DHRSX: variants seen among roughly 807,000 people sequenced by gnomAD.
DHRSX encodes the protein polyprenol dehydrogenase.
In DHRSX, 31 loss-of-function variants were observed where a neutral mutation model predicts 34.0. The observed-to-expected ratio is 0.91, with a 90% CI of 0.69 to 1.23. The LOEUF (loss-of-function observed/expected upper bound fraction) is 1.23. Among genes scored for constraint, DHRSX ranks in the 50% most tolerant of loss-of-function variants. The pLI is 0.00. For synonymous variants in DHRSX, 201 were observed against 183.8 expected, an observed-to-expected ratio of 1.09 and a Z score of -0.76; for missense variants, 414 against 428.1, an observed-to-expected ratio of 0.97 and a Z score of 0.29.
At chrX:2,249,723 T>A (rs1460042083) in intron 5 of DHRSX, among the ~76,000 whole-genome samples, 3 of 151,320 alleles carry the variant, frequency 2.0e-5, no homozygotes, top group African/African-American at 7.3e-5. Flanking sequence ...GGGGTGTCAC[T>A]GTGTTGGCCA....
rs151195698 is a variant in DHRSX at position 2,243,380 on chromosome X, G to A, written c.597-150C>T. 7.1e-3 allele frequency: 4,458 copies of A among 626,922 alleles called. 140 individuals are homozygous for A. The highest frequency in any genetic ancestry group is 0.07 in the African/African-American group (3,792 of 54,288). The allele number at this position is 626,922 out of a possible 1,614,324, so 38.8% of individuals were successfully genotyped here. ...GTGTGATCATGCCATCTGTTGGCCAGTTTTCCAACGCGTGTGGATTTTTCT... is the reference window on the plus strand; with the variant it reads ...GTGTGATCATGCCATCTGTTGGCCAATTTTCCAACGCGTGTGGATTTTTCT... On this transcript the variant is annotated intron_variant, in intron 5 of 6. Transcript: ENST00000334651.
chrX:2,404,220 G>A lies in DHRSX; in HGVS notation c.286+4525C>T, dbSNP rs747159391. Among the ~76,000 whole-genome samples, 24 of 151,832 alleles carry A rather than the reference G, an allele frequency of 1.6e-4. No individual in the cohort carries two copies. In the South Asian group the frequency reaches 5.0e-3, roughly 32 times the overall value. On this transcript the variant is annotated intron_variant, in intron 3 of 6. Transcript: ENST00000334651. ...CCAGGGCCCCGCCCCCACCCCCAGA[G>A]GCCCCGATTCACAGATGGGCCCTGG... is the stretch of plus-strand genomic sequence containing the variant.
At chrX:2,316,141 C>T (rs1194699678) in intron 3 of DHRSX, among the ~76,000 whole-genome samples, 1 of 152,112 alleles carries the variant, frequency 6.6e-6, no homozygotes, top group Non-Finnish European at 1.5e-5. Flanking sequence ...GGATAACAGG[C>T]GTGAGCCACC....
At chrX:2,498,933 T>C (rs1238948810) in intron 1 of DHRSX, among the ~76,000 whole-genome samples, 1 of 152,266 alleles carries the variant, frequency 6.6e-6, no homozygotes, top group Admixed American at 6.5e-5. Context: ...TTACTCTCCT[T>C]CTTCTATGCA....
chrX:2,442,127 A>T (rs1169041146), intron 1 of DHRSX, among the ~76,000 whole-genome samples: 1 of 152,188 alleles, frequency 6.6e-6, no homozygotes, highest in Non-Finnish European at 1.5e-5. Flanking sequence ...TGTATTATAT[A>T]CTGCATTCTT....
intron 1 of DHRSX, among the ~76,000 whole-genome samples, chrX:2,491,858 G>A (rs1375495931): frequency 6.6e-6 from 1 of 152,218 alleles, no homozygotes; most frequent in Non-Finnish European, 1.5e-5. Context: ...AGATGACCCA[G>A]AAGCCAGTCC....
At chrX:2,379,595 G>GTTTT (rs749144665) in intron 3 of DHRSX, among the ~76,000 whole-genome samples, 3,085 of 103,260 alleles carry the variant, frequency 0.03, 148 homozygotes, top group East Asian at 0.054. Context: ...GGCAGTGGAG[G>GTTTT]TTTTTTTTTT....
intron 5 of DHRSX, among the ~76,000 whole-genome samples, chrX:2,264,691 G>A (rs1030721623): frequency 1.5e-5 from 2 of 135,092 alleles, no homozygotes; most frequent in Non-Finnish European, 3.1e-5. Flanking sequence ...TCCAGGGCAC[G>A]TGCGCCCAGT....
At chrX:2,450,100 C>T (rs921715450) in intron 1 of DHRSX, among the ~76,000 whole-genome samples, 5 of 150,614 alleles carry the variant, frequency 3.3e-5, no homozygotes, top group Admixed American at 2.7e-4. Flanking sequence ...CCACCCAGGA[C>T]AAATAAGTGC....
chrX:2,247,942 A>C (rs1190290749), intron 5 of DHRSX, among the ~76,000 whole-genome samples: 1 of 151,818 alleles, frequency 6.6e-6, no homozygotes, highest in East Asian at 1.9e-4. Context: ...AAGGCCAGCC[A>C]GAAACCCTAT....
intron 3 of DHRSX, among the ~76,000 whole-genome samples, chrX:2,400,811 C>A (rs1262956803): frequency 2.0e-5 from 3 of 152,142 alleles, no homozygotes; most frequent in Admixed American, 6.6e-5. Context: ...CTGTTATCAA[C>A]CTTCATCCTG....
chrX:2,497,216 G>A (rs1422832908), intron 1 of DHRSX, among the ~76,000 whole-genome samples: 1 of 152,112 alleles, frequency 6.6e-6, no homozygotes, highest in Non-Finnish European at 1.5e-5. Flanking sequence ...CCAACATGGA[G>A]AAACCCCATC....
intron 4 of DHRSX, among the ~76,000 whole-genome samples, chrX:2,287,119 CTTA>C (rs2041813104): frequency 6.6e-6 from 1 of 152,128 alleles, no homozygotes; most frequent in Admixed American, 6.5e-5. Context: ...AAGAATCTTG[CTTA>C]TTATTTTATT....
chrX:2,490,120 C>T lies in DHRSX; in HGVS notation c.109+10697G>A, dbSNP rs765647400. On this transcript the variant is annotated intron_variant, in intron 1 of 6. Coordinates refer to ENST00000334651, the MANE Select transcript of DHRSX (RefSeq NM_145177.3). ...CGCGGTTCTGATTCTCACTCCTCCA[C>T]ATGTCGGTGGAGATGCCACACCAGG... 5.5e-5 allele frequency: 88 copies of T among 1,613,966 alleles called. 1 individual carries two copies. In the South Asian group the frequency reaches 9.3e-4, roughly 17 times the overall value.
At chrX:2,314,445 G>T (rs2042212281) in intron 3 of DHRSX, among the ~76,000 whole-genome samples, 1 of 119,032 alleles carries the variant, frequency 8.4e-6, no homozygotes, top group Non-Finnish European at 1.6e-5. Flanking sequence ...GAGGAAGGAA[G>T]GGGAGAAGGG....
At chrX:2,437,690 AGAGAGAGAGTGTGT>A (rs2044010060) in intron 1 of DHRSX, among the ~76,000 whole-genome samples, 1 of 75,230 alleles carries the variant, frequency 1.3e-5, no homozygotes. Flanking sequence ...AGAGAGAGAG[AGAGAGAGAGTGTGT>A]GTGTGTGTGT....
chrX:2,485,467 CAGGAGGGAGGAAAAGA>C (rs1283357468), intron 1 of DHRSX, among the ~76,000 whole-genome samples: 1 of 142,780 alleles, frequency 7.0e-6, no homozygotes, highest in Non-Finnish European at 1.5e-5. Flanking sequence ...ATTGTTTTCT[CAGGAGGGAGGAAAAGA>C]GGGAGGGAGG....
intron 1 of DHRSX, among the ~76,000 whole-genome samples, chrX:2,484,184 G>C (rs192006976): frequency 1.1e-4 from 17 of 152,152 alleles, no homozygotes; most frequent in African/African-American, 3.6e-4. Context: ...TGTTGGCCAG[G>C]CTGGTCTTGA....
intron 3 of DHRSX, among the ~76,000 whole-genome samples, chrX:2,335,325 C>G (rs181478391): frequency 1.3e-5 from 2 of 151,876 alleles, no homozygotes; most frequent in African/African-American, 4.8e-5. Context: ...CATGAGACAT[C>G]AATCAATATA....
Sources: allele counts gnomAD v4.1 joint callset (sites outside exome capture counted in the v4.1 genomes callset), GRCh38; gene constraint gnomAD v4.1.1; transcripts MANE v1.5; gene names NCBI Gene and HGNC (gene_info 2026-07-23, HGNC 2026-07-21).